The following ATP8A2 variants were observed in gnomAD, a reference collection of about 807,000 sequenced individuals.
ATP8A2 encodes the protein ATPase phospholipid transporting 8A2.
A neutral mutation model predicts 165.6 loss-of-function variants in ATP8A2; 100 were observed. The observed-to-expected ratio is 0.60, with a 90% CI of 0.51 to 0.71. The LOEUF is 0.71. Among genes scored for constraint, ATP8A2 ranks in the 30% least tolerant of loss-of-function variants. The pLI, the probability that ATP8A2 is intolerant of heterozygous loss-of-function variation, is 0.00. For missense variants in ATP8A2, 1,227 were observed against 1,479.5 expected (o/e 0.83, Z 2.80); for synonymous variants, 543 against 548.8 (o/e 0.99, Z 0.15).
intron 2 of ATP8A2, among the ~76,000 whole-genome samples, chr13:25,519,287 C>T (rs2037581757): frequency 1.3e-5 from 2 of 152,188 alleles, no homozygotes; most frequent in Admixed American, 6.5e-5. Context: ...CTCCTCCCAG[C>T]CCCAGCCAGT....
In ATP8A2 at chr13:26,024,457, C is replaced by T. The variant is rs886590848; in HGVS notation, c.*4472C>T. The T allele has an allele frequency of 2.6e-5, 4 of 152,170 alleles. No homozygotes were observed. Among genetic ancestry groups the T allele is most frequent in the African/African-American group, 9.7e-5 (4 of 41,432 alleles). The allele number at this position is 152,170 out of a possible 1,614,324, so 9.4% of individuals were successfully genotyped here. A position where few individuals can be genotyped will look rare whatever the true frequency, so the allele number is the denominator to read the frequency against. Reference sequence around the variant, plus strand: ...TGTTGGCTATGAGTGATTTGTGAATCTGGGATGTAACCCTGAGTGAGGAGA... The same window carrying T: ...TGTTGGCTATGAGTGATTTGTGAATTTGGGATGTAACCCTGAGTGAGGAGA... On this transcript the variant is annotated 3_prime_UTR_variant, in exon 37 of 37. Transcript: ENST00000381655.
At chr13:25,584,319 T>C (rs2039859828) in intron 23 of ATP8A2, among the ~76,000 whole-genome samples, 1 of 152,218 alleles carries the variant, frequency 6.6e-6, no homozygotes, top group African/African-American at 2.4e-5. Context: ...ATGCTCTAGA[T>C]ACAGAGTGGG....
At chr13:25,913,092 T>C (rs1300009726) in intron 33 of ATP8A2, among the ~76,000 whole-genome samples, 2 of 152,364 alleles carry the variant, frequency 1.3e-5, no homozygotes, top group African/African-American at 4.8e-5. Flanking sequence ...CAAAGTGAGC[T>C]GATCTCATGT....
intron 33 of ATP8A2, among the ~76,000 whole-genome samples, chr13:25,912,310 A>G (rs1485304909): frequency 6.6e-6 from 1 of 152,234 alleles, no homozygotes; most frequent in African/African-American, 2.4e-5. Flanking sequence ...CAGGTGCTGC[A>G]TGTTGTCACT....
intron 1 of ATP8A2, among the ~76,000 whole-genome samples, chr13:25,444,146 G>A (rs1048374097): frequency 1.1e-4 from 16 of 152,118 alleles, no homozygotes; most frequent in African/African-American, 3.6e-4. Context: ...CTCATCCATA[G>A]ATTAGTTTGC....
intron 25 of ATP8A2, among the ~76,000 whole-genome samples, chr13:25,754,363 G>A (rs1422308937): frequency 6.6e-6 from 1 of 151,880 alleles, no homozygotes; most frequent in African/African-American, 2.4e-5. Flanking sequence ...CTTTCTGTTT[G>A]CATTTTAGGA....
At chr13:25,920,465 C>T (rs938200303) in intron 33 of ATP8A2, among the ~76,000 whole-genome samples, 2 of 152,194 alleles carry the variant, frequency 1.3e-5, no homozygotes, top group Non-Finnish European at 2.9e-5. Context: ...TTCCCCTGCC[C>T]ACTTCCTCCT....
chr13:25,501,673 C>T (rs1170283379), intron 2 of ATP8A2, among the ~76,000 whole-genome samples: 1 of 152,156 alleles, frequency 6.6e-6, no homozygotes, highest in Admixed American at 6.5e-5. Context: ...TATGGGAAGT[C>T]TTCTGTTATT....
At chr13:25,723,560 C>A (rs543508054) in intron 25 of ATP8A2, among the ~76,000 whole-genome samples, 20 of 152,174 alleles carry the variant, frequency 1.3e-4, no homozygotes, top group Non-Finnish European at 2.2e-4. Context: ...TAAACATCAT[C>A]TAGCCAGATT....
chr13:25,561,838 T>A (rs1449207034), intron 15 of ATP8A2, among the ~76,000 whole-genome samples: 1 of 152,218 alleles, frequency 6.6e-6, no homozygotes, highest in African/African-American at 2.4e-5. Context: ...TGATTTTGCC[T>A]GTTCTAGGTA....
intron 24 of ATP8A2, among the ~76,000 whole-genome samples, chr13:25,604,612 G>C (rs2040469822): frequency 6.6e-6 from 1 of 152,204 alleles, no homozygotes; most frequent in Non-Finnish European, 1.5e-5. Flanking sequence ...TTAATTGAAA[G>C]TGGTAGATAT....
intron 12 of ATP8A2, among the ~76,000 whole-genome samples, chr13:25,554,428 G>A (rs1230647400): frequency 2.0e-5 from 3 of 152,080 alleles, no homozygotes; most frequent in Non-Finnish European, 2.9e-5. Context: ...CAGCAATCCC[G>A]TCAGCAAGGT....
chr13:25,523,421 C>T (rs1369326493), intron 2 of ATP8A2, among the ~76,000 whole-genome samples: 1 of 152,124 alleles, frequency 6.6e-6, no homozygotes, highest in Non-Finnish European at 1.5e-5. Context: ...TTCAGGCACA[C>T]ACCACCTTGC....
Position 25,929,819 on chromosome 13 carries a change from G to A in ATP8A2, c.3184-31756G>A, listed in dbSNP as rs1469884410. Among the ~76,000 whole-genome samples the A allele has an allele frequency of 2.0e-5, 3 of 152,158 alleles. No individual in the cohort carries two copies. The East Asian group carries it at 5.8e-4, about 29-fold the overall frequency. ...AACCTGGGCAACAGAGCGAGACCCTGTCTCTAAAAAAAACCCAAAATCCAA... is the reference window on the plus strand; with the variant it reads ...AACCTGGGCAACAGAGCGAGACCCTATCTCTAAAAAAAACCCAAAATCCAA... On this transcript the variant is annotated intron_variant, in intron 33 of 36. Coordinates refer to ENST00000381655, the MANE Select transcript of ATP8A2 (RefSeq NM_016529.6).
chr13:25,960,452 G>A (rs1223072013), intron 33 of ATP8A2, among the ~76,000 whole-genome samples: 1 of 151,840 alleles, frequency 6.6e-6, no homozygotes, highest in Non-Finnish European at 1.5e-5. Context: ...CCCTCTGTAA[G>A]TCTCACTCTC....
intron 1 of ATP8A2, among the ~76,000 whole-genome samples, chr13:25,458,410 T>C (rs1021810624): frequency 6.6e-6 from 1 of 152,202 alleles, no homozygotes; most frequent in Non-Finnish European, 1.5e-5. Flanking sequence ...GATGAGGGTC[T>C]TTCTGTGTTG....
chr13:25,494,105 G>C (rs1279256750), intron 2 of ATP8A2, among the ~76,000 whole-genome samples: 2 of 151,998 alleles, frequency 1.3e-5, no homozygotes, highest in Non-Finnish European at 2.9e-5. Context: ...AGAACGGTTG[G>C]AACAGCCAGG....
At chr13:25,650,818 A>G (rs904940139) in intron 24 of ATP8A2, among the ~76,000 whole-genome samples, 2 of 152,218 alleles carry the variant, frequency 1.3e-5, no homozygotes, top group Non-Finnish European at 2.9e-5. Context: ...TGTTAAACCA[A>G]TCTAGCTTTC....
intron 1 of ATP8A2, among the ~76,000 whole-genome samples, chr13:25,458,785 G>A (rs903478503): frequency 1.3e-5 from 2 of 152,202 alleles, no homozygotes; most frequent in Non-Finnish European, 2.9e-5. Flanking sequence ...GGGAGGTCCC[G>A]TTTTCTTGAA....
Sources: allele counts gnomAD v4.1 joint callset (sites outside exome capture counted in the v4.1 genomes callset), GRCh38; gene constraint gnomAD v4.1.1; transcripts MANE v1.5; gene names NCBI Gene and HGNC (gene_info 2026-07-23, HGNC 2026-07-21).